FOXP1: variants seen among roughly 807,000 people sequenced by gnomAD.
The protein encoded by FOXP1 is forkhead box protein P1.
A neutral mutation model predicts 98.2 loss-of-function variants in FOXP1; 15 were observed. The observed-to-expected ratio is 0.15, with a 90% confidence interval of 0.10 to 0.24. The LOEUF (loss-of-function observed/expected upper bound fraction) is 0.24. FOXP1 is among the 10% of genes least tolerant of loss of function. The pLI is 1.00. For missense variants in FOXP1, 633 were observed against 848.5 expected (o/e 0.75, Z 3.15); for synonymous variants, 371 against 314.5 (o/e 1.18, Z -1.90).
Position 71,207,487 on chromosome 3 carries a change from T to G in FOXP1, c.-11-9095A>C, listed in dbSNP as rs566955781. On this transcript the variant is annotated intron_variant, in intron 5 of 20. Coordinates refer to ENST00000649528, the MANE Select transcript of FOXP1 (RefSeq NM_001349338.3). The stretch of plus-strand genomic sequence containing the variant: ...TTCTCCGTTGTGCAAAAGGAACAAT[T>G]ATTTAATTTTATCCTTCAAAAACTC... Among the ~76,000 whole-genome samples the G allele has an allele frequency of 2.6e-5, 4 of 152,310 alleles. No homozygotes were observed. The East Asian group carries it at 7.7e-4, about 29-fold the overall frequency.
chr3:71,263,851 C>G (rs1240581191), intron 5 of FOXP1, among the ~76,000 whole-genome samples: 2 of 151,848 alleles, frequency 1.3e-5, no homozygotes, highest in Admixed American at 1.3e-4. Context: ...CTCAAATGAT[C>G]CTCTTGACTC....
At chr3:71,116,501 G>C (rs1001545666) in intron 6 of FOXP1, among the ~76,000 whole-genome samples, 1 of 152,128 alleles carries the variant, frequency 6.6e-6, no homozygotes, top group African/African-American at 2.4e-5. Flanking sequence ...ATTTGGGATG[G>C]AGAGACAACA....
intron 7 of FOXP1, among the ~76,000 whole-genome samples, chr3:71,063,871 T>C (rs905872527): frequency 1.3e-5 from 2 of 152,254 alleles, no homozygotes; most frequent in African/African-American, 2.4e-5. Context: ...AGAGTCTATA[T>C]GTACTTTGCT....
chr3:71,419,615 G>A (rs990782421), intron 3 of FOXP1, among the ~76,000 whole-genome samples: 4 of 151,874 alleles, frequency 2.6e-5, no homozygotes, highest in Non-Finnish European at 5.9e-5. Flanking sequence ...TTAGAGACTC[G>A]TCTCTCCATT....
intron 2 of FOXP1, among the ~76,000 whole-genome samples, chr3:71,513,394 G>A (rs867041819): frequency 7.2e-5 from 11 of 152,124 alleles, no homozygotes; most frequent in Middle Eastern, 3.4e-3. Context: ...AAATCCCATA[G>A]AGTCTGCCTT....
At chr3:71,053,504 C>G in intron 8 of FOXP1, 132 bp downstream of exon 8, 16 of 1,074,520 alleles carry the variant, frequency 1.5e-5, no homozygotes, top group Non-Finnish European at 2.2e-5. Flanking sequence ...GGTCTGTGTC[C>G]TGCCCCACCC....
chr3:71,039,093 C>T (rs1045564142), intron 11 of FOXP1, among the ~76,000 whole-genome samples: 9 of 151,912 alleles, frequency 5.9e-5, no homozygotes, highest in Admixed American at 4.6e-4. Context: ...AATCCAGCCA[C>T]GTTTAGGAAC....
intron 5 of FOXP1, among the ~76,000 whole-genome samples, chr3:71,282,723 G>A (rs1428350820): frequency 1.3e-5 from 2 of 152,066 alleles, no homozygotes; most frequent in African/African-American, 2.4e-5. Flanking sequence ...CCCAACCTAC[G>A]CTATTCTTTG....
At chr3:71,502,740 C>T (rs1039664959) in intron 2 of FOXP1, among the ~76,000 whole-genome samples, 5 of 152,014 alleles carry the variant, frequency 3.3e-5, no homozygotes, top group Non-Finnish European at 4.4e-5. Context: ...CCTCAGTTTC[C>T]CCAGTGGGAA....
intron 6 of FOXP1, among the ~76,000 whole-genome samples, chr3:71,174,438 C>T (rs1447762042): frequency 6.6e-6 from 1 of 152,070 alleles, no homozygotes; most frequent in African/African-American, 2.4e-5. Context: ...AACAAACAAA[C>T]AAAGGAAACC....
At chr3:71,476,457 G>C (rs563982286) in intron 3 of FOXP1, among the ~76,000 whole-genome samples, 2 of 151,988 alleles carry the variant, frequency 1.3e-5, no homozygotes, top group Non-Finnish European at 2.9e-5. Context: ...GTGGTGTGCA[G>C]TTACACATCA....
chr3:71,026,727 C>G (rs1309726518), intron 11 of FOXP1, among the ~76,000 whole-genome samples: 2 of 152,184 alleles, frequency 1.3e-5, no homozygotes, highest in Non-Finnish European at 2.9e-5. Flanking sequence ...CTATCTCCCC[C>G]CTTTCCAGCC....
At chr3:71,015,702 C>T (rs746802815) in intron 11 of FOXP1, 49 bp from the exon 12 acceptor site, 1 of 1,308,634 alleles carries the variant, frequency 7.6e-7, no homozygotes, top group African/African-American at 1.5e-5. Context: ...CTGCCAAGAA[C>T]CATTCCACCA....
At chr3:71,563,026 G>A (rs1429618010) in intron 2 of FOXP1, among the ~76,000 whole-genome samples, 1 of 152,252 alleles carries the variant, frequency 6.6e-6, no homozygotes, top group South Asian at 2.1e-4. Flanking sequence ...ATGTGAGCCT[G>A]CTGAGGTTGG....
intron 3 of FOXP1, among the ~76,000 whole-genome samples, chr3:71,471,817 A>G (rs1425275800): frequency 6.6e-6 from 1 of 152,190 alleles, no homozygotes; most frequent in African/African-American, 2.4e-5. Flanking sequence ...CCACGTTCCC[A>G]GGTGAATAAA....
At chr3:71,549,613 G>A (rs954277567) in intron 2 of FOXP1, among the ~76,000 whole-genome samples, 7 of 152,050 alleles carry the variant, frequency 4.6e-5, no homozygotes, top group South Asian at 4.2e-4. Context: ...GGCCTCAGGC[G>A]ATCCACCCAC....
chr3:71,410,854 T>C (rs984532375), intron 3 of FOXP1, among the ~76,000 whole-genome samples: 1 of 152,246 alleles, frequency 6.6e-6, no homozygotes, highest in Non-Finnish European at 1.5e-5. Flanking sequence ...CATTGTTCTA[T>C]GGCTTTTCTT....
intron 19 of FOXP1, 119 bp from the exon 20 acceptor site, chr3:70,966,175 A>AC: frequency 1.1e-6 from 1 of 949,918 alleles, no homozygotes; most frequent in South Asian, 1.4e-5. Flanking sequence ...GCTGGCAAAT[A>AC]CAAGTTTCTA....
At chr3:71,301,321 G>A (rs373322710) in intron 4 of FOXP1, among the ~76,000 whole-genome samples, 1 of 152,110 alleles carries the variant, frequency 6.6e-6, no homozygotes, top group Non-Finnish European at 1.5e-5. Context: ...CTATTTCAGG[G>A]CAAGCAACGA....
Sources: allele counts gnomAD v4.1 joint callset (sites outside exome capture counted in the v4.1 genomes callset), GRCh38; gene constraint gnomAD v4.1.1; transcripts MANE v1.5; gene names NCBI Gene and HGNC (gene_info 2026-07-23, HGNC 2026-07-21).